Variants in SPG21 observed in about 807,000 individuals in gnomAD.
SPG21 encodes the protein maspardin.
Under a neutral mutation model 38.9 loss-of-function variants are expected in SPG21, and 26 were observed. The observed-to-expected ratio is 0.67, with a 90% CI of 0.49 to 0.93. The LOEUF (loss-of-function observed/expected upper bound fraction) is 0.93. Ranked by LOEUF, SPG21 falls within the 40% of genes least tolerant of loss-of-function variation. The pLI is 0.00. For synonymous variants in SPG21, 136 were observed against 128.9 expected (o/e 1.05, Z -0.37); for missense variants, 333 against 376.5 (o/e 0.88, Z 0.96).
At chr15:64,974,269 C>G (rs1163956361) in intron 5 of SPG21, among the ~76,000 whole-genome samples, 1 of 152,088 alleles carries the variant, frequency 6.6e-6, no homozygotes, top group African/African-American at 2.4e-5. Flanking sequence ...GAGTTAGAGA[C>G]CAGCATGGGA....
intron 7 of SPG21, among the ~76,000 whole-genome samples, chr15:64,965,716 T>A (rs2085528366): frequency 6.6e-6 from 1 of 151,910 alleles, no homozygotes; most frequent in African/African-American, 2.4e-5. Flanking sequence ...TGCATTCTTT[T>A]GGTGGGGGGA....
chr15:64,983,659 T>C (rs1160598450), intron 1 of SPG21, 66 bp from the exon 2 acceptor site: 4 of 984,528 alleles, frequency 4.1e-6, no homozygotes, highest in Non-Finnish European at 6.3e-6. Context: ...AAATGTAGAG[T>C]CTCATCTAGC....
At position 64,981,011 on chromosome 15, in the gene SPG21, A is replaced by T; in HGVS notation, c.78T>A (p.Asp26Glu). The change falls in exon 3 of 9, where the codon GAT (aspartate) becomes GAA (glutamate). Residue 26 changes from aspartate to glutamate, a missense_variant. Transcript: ENST00000204566. The stretch of plus-strand genomic sequence containing the variant: ...AGAGCGACCATATCTTACTGTCATC[A>T]TCATCCACAATAATCTGGAGGGAAG... ...TVPLKKIIVDDDDSKIWSLYD... is the reference protein window; with the variant it reads ...TVPLKKIIVDEDDSKIWSLYD... 6.2e-7 allele frequency: 1 copy of T among 1,614,152 alleles called. No homozygotes were observed. Among genetic ancestry groups the T allele is most frequent in the Non-Finnish European group, 8.5e-7 (1 of 1,180,006 alleles).
intron 2 of SPG21, 181 bp downstream of exon 2, chr15:64,983,321 CTAAAA>C (rs1453840327): frequency 1.9e-5 from 9 of 477,066 alleles, no homozygotes; most frequent in African/African-American, 1.7e-4. Flanking sequence ...TGCTTTCACT[CTAAAA>C]TGAGTCTCAA....
At position 64,963,575 on chromosome 15, in the gene SPG21, A is replaced by G. The variant is rs1355746937; in HGVS notation, c.*45T>C. On this transcript the variant is annotated 3_prime_UTR_variant, in exon 9 of 9. Coordinates refer to ENST00000204566, the MANE Select transcript of SPG21 (RefSeq NM_016630.7). ...GACGGGTGCTGATGCCACTGACTAT[A>G]CAAGAACACACCGGGTCAACTCATC... 1 of 1,532,248 alleles carries G rather than the reference A, an allele frequency of 6.5e-7. No individual in the cohort carries two copies. The highest frequency in any genetic ancestry group is 9.0e-7 in the Non-Finnish European group (1 of 1,107,316). 94.9% of individuals were successfully genotyped at this position (1,532,248 alleles called of 1,614,324 possible). A position where few individuals can be genotyped will look rare whatever the true frequency, so the allele number is the denominator to read the frequency against.
chr15:64,988,395 T>C lies in SPG21; in HGVS notation c.-25+1270A>G, dbSNP rs1317521944. The stretch of plus-strand genomic sequence containing the variant: ...GTTTCTGCTACTTTATTTCAATCTA[T>C]AGTTGATGTGCATTGTGGAAAATCT... On this transcript the variant is annotated intron_variant, in intron 1 of 8. Coordinates refer to ENST00000204566, the MANE Select transcript of SPG21 (RefSeq NM_016630.7). Among the ~76,000 whole-genome samples, 4 of 152,326 alleles carry C rather than the reference T, an allele frequency of 2.6e-5. No homozygotes were observed. The East Asian group carries it at 7.7e-4, about 29-fold the overall frequency.
chr15:64,970,478 A>C (rs1000252112), intron 5 of SPG21, among the ~76,000 whole-genome samples: 1 of 152,204 alleles, frequency 6.6e-6, no homozygotes, highest in Non-Finnish European at 1.5e-5. Context: ...ACTGAGATAG[A>C]CATTCTGATG....
intron 2 of SPG21, among the ~76,000 whole-genome samples, chr15:64,982,536 T>C (rs1365869260): frequency 6.6e-6 from 1 of 152,134 alleles, no homozygotes; most frequent in East Asian, 1.9e-4. Context: ...CCTAGGTCTC[T>C]AAAGTGCTAG....
chr15:64,979,484 G>T (rs1363073995), intron 3 of SPG21, among the ~76,000 whole-genome samples: 1 of 152,192 alleles, frequency 6.6e-6, no homozygotes, highest in Non-Finnish European at 1.5e-5. Context: ...GTCACGTGAG[G>T]AATGGTTAAA....
chr15:64,964,230 T>A (rs1157909326), intron 8 of SPG21, among the ~76,000 whole-genome samples: 1 of 152,162 alleles, frequency 6.6e-6, no homozygotes, highest in Non-Finnish European at 1.5e-5. Flanking sequence ...ACATTTGGGA[T>A]CTTTGTTCCT....
Position 64,969,377 on chromosome 15 carries a change from A to G in SPG21, c.562-15T>C. 6.5e-7 allele frequency: 1 copy of G among 1,549,842 alleles called. No individual in the cohort carries two copies. The highest frequency in any genetic ancestry group is 8.9e-7 in the Non-Finnish European group (1 of 1,121,630). On this transcript the variant is annotated splice_polypyrimidine_tract_variant and intron_variant, in intron 6 of 8. Transcript: ENST00000204566. ...AAACTTTCTAGCTGCAGGAAGAAAC[A>G]CAGGTAAAGTTTTTGAAATAATTTT...
At chr15:64,971,803 CCT>C (rs2085671555) in intron 5 of SPG21, among the ~76,000 whole-genome samples, 1 of 152,180 alleles carries the variant, frequency 6.6e-6, no homozygotes, top group Non-Finnish European at 1.5e-5. Flanking sequence ...TGCACTCCAG[CCT>C]GGGCAACAGA....
intron 7 of SPG21, among the ~76,000 whole-genome samples, chr15:64,966,804 C>T (rs1030307938): frequency 2.0e-5 from 3 of 152,098 alleles, no homozygotes; most frequent in Admixed American, 6.6e-5. Context: ...GAGGCTGAGG[C>T]AGGAGAATGG....
intron 7 of SPG21, among the ~76,000 whole-genome samples, chr15:64,967,866 C>G (rs1204585772): frequency 6.6e-6 from 1 of 152,128 alleles, no homozygotes; most frequent in Non-Finnish European, 1.5e-5. Context: ...GTCAGCCTCC[C>G]AAAGTGCTGG....
intron 2 of SPG21, chr15:64,983,088 C>T: frequency 4.0e-6 from 1 of 250,538 alleles, no homozygotes; most frequent in Non-Finnish European, 8.6e-6. Context: ...TGAAACTCTG[C>T]CTCTACTAAA....
chr15:64,986,717 C>A (rs1314611800), intron 1 of SPG21, among the ~76,000 whole-genome samples: 3 of 114,340 alleles, frequency 2.6e-5, no homozygotes, highest in African/African-American at 9.1e-5. Flanking sequence ...AAACAAAAAA[C>A]AAAAAAACAA....
chr15:64,974,101 G>A (rs2085727560), intron 5 of SPG21, among the ~76,000 whole-genome samples: 1 of 138,846 alleles, frequency 7.2e-6, no homozygotes, highest in East Asian at 1.9e-4. Flanking sequence ...AAAATTTAAG[G>A]TAATAAAAAA....
At chr15:64,985,644 T>C (rs919457625) in intron 1 of SPG21, among the ~76,000 whole-genome samples, 1 of 152,108 alleles carries the variant, frequency 6.6e-6, no homozygotes, top group Admixed American at 6.5e-5. Context: ...TAACACGAGG[T>C]GAGATTCGTG....
intron 5 of SPG21, 47 bp from the exon 6 acceptor site, chr15:64,970,269 T>A: frequency 3.5e-6 from 5 of 1,439,798 alleles, no homozygotes; most frequent in Non-Finnish European, 2.9e-6. Context: ...AGACTACACA[T>A]GGCAAATATT....
Sources: gnomAD v4.1 joint callset for allele counts (sites outside exome capture counted in the v4.1 genomes callset) on GRCh38, gnomAD v4.1.1 for gene constraint, MANE v1.5 for transcripts, NCBI Gene and HGNC (gene_info 2026-07-23, HGNC 2026-07-21) for gene names.